Variants in UNC93A observed in about 807,000 individuals in gnomAD.
UNC93A encodes the protein N-acetylglucosamine transporter UNC93A.
UNC93A carries 43 observed loss-of-function variants against 47.5 expected under a neutral mutation model. That is an observed-to-expected ratio of 0.91 (90% CI 0.71 to 1.17). UNC93A has a LOEUF of 1.17. Ranked by LOEUF, UNC93A falls within the 50% of genes most tolerant of loss-of-function variation. UNC93A has a pLI of 0.00. For synonymous variants in UNC93A, 280 were observed against 258.0 expected (o/e 1.09, Z -0.82); for missense variants, 605 against 577.6 (o/e 1.05, Z -0.49).
rs180814631 is a variant in UNC93A at position 167,310,897 on chromosome 6, G to T, written c.1108+2987G>T. On this transcript the variant is annotated intron_variant, in intron 7 of 7. Coordinates refer to ENST00000230256, the MANE Select transcript of UNC93A (RefSeq NM_018974.4). ...CTCTGTCTCACAAAAAAAATGTTGG[G>T]GAAAATATTTTCATATACTTGAGAA... Among the ~76,000 whole-genome samples, 174 of 152,210 alleles carry T rather than the reference G, an allele frequency of 1.1e-3. 1 individual carries two copies. Among genetic ancestry groups the T allele is most frequent in the African/African-American group, 3.8e-3 (158 of 41,528 alleles).
chr6:167,276,763 C>CA (rs35925589), intron 1 of UNC93A, among the ~76,000 whole-genome samples: 19,335 of 151,702 alleles, frequency 0.13, 1,619 homozygotes, highest in South Asian at 0.28. Context: ...CAAGTCTAAG[C>CA]AAAAAAAATG....
exon 1 of UNC93A, chr6:167,271,336 TAAG>T (rs1230793032): frequency 6.6e-6 from 1 of 152,324 alleles, no homozygotes; most frequent in African/African-American, 2.4e-5. Flanking sequence ...GGGCCAGAGT[TAAG>T]AAAGAGCGAG....
intron 1 of UNC93A, among the ~76,000 whole-genome samples, chr6:167,279,536 TATATAG>T (rs992152728): frequency 2.0e-5 from 3 of 152,240 alleles, no homozygotes; most frequent in African/African-American, 4.8e-5. Context: ...TTTCAGATAG[TATATAG>T]ATATAAAGTA....
chr6:167,300,107 C>T (rs773672607), intron 4 of UNC93A, among the ~76,000 whole-genome samples: 4 of 152,044 alleles, frequency 2.6e-5, no homozygotes, highest in Admixed American at 6.5e-5. Flanking sequence ...GAGCTCAGGC[C>T]GGGAACACCT....
chr6:167,293,917 C>T (rs771198226), intron 1 of UNC93A, among the ~76,000 whole-genome samples: 10 of 152,204 alleles, frequency 6.6e-5, no homozygotes, highest in African/African-American at 9.7e-5. Flanking sequence ...ACCCTCGTGG[C>T]GGTGTGTGCC....
intron 7 of UNC93A, among the ~76,000 whole-genome samples, chr6:167,313,476 C>G (rs1778610534): frequency 6.6e-6 from 1 of 151,826 alleles, no homozygotes; most frequent in Admixed American, 6.6e-5. Flanking sequence ...GGCCTTGGAC[C>G]AACCAGAACT....
chr6:167,308,039 C>T, intron 7 of UNC93A, 129 bp downstream of exon 7: 1 of 1,301,208 alleles, frequency 7.7e-7, no homozygotes, highest in Non-Finnish European at 1.0e-6. Context: ...ACGGGAGGGC[C>T]AAGAGGGCTT....
chr6:167,288,917 C>T (rs1036283859), upstream of UNC93A, among the ~76,000 whole-genome samples: 1 of 152,276 alleles, frequency 6.6e-6, no homozygotes, highest in African/African-American at 2.4e-5. Context: ...GTCATTTTAA[C>T]GTCCAATGAG....
At chr6:167,293,804 TTTCTGGC>T (rs1777963148) in intron 1 of UNC93A, among the ~76,000 whole-genome samples, 3 of 152,308 alleles carry the variant, frequency 2.0e-5, no homozygotes, top group Non-Finnish European at 4.4e-5. Context: ...CCTTTCACCC[TTTCTGGC>T]TGCAGGCCTC....
At chr6:167,312,732 G>C (rs1778594515) in intron 7 of UNC93A, among the ~76,000 whole-genome samples, 1 of 152,230 alleles carries the variant, frequency 6.6e-6, no homozygotes, top group Non-Finnish European at 1.5e-5. Context: ...ACCATTTTCA[G>C]TCTACTTTCC....
At chr6:167,281,493 C>T (rs535635651) in intron 1 of UNC93A, among the ~76,000 whole-genome samples, 1 of 152,346 alleles carries the variant, frequency 6.6e-6, no homozygotes, top group African/African-American at 2.4e-5. Context: ...CTAACACTCA[C>T]TCCCTGGCCT....
intron 1 of UNC93A, among the ~76,000 whole-genome samples, chr6:167,273,960 C>T (rs1309669177): frequency 6.6e-6 from 1 of 152,104 alleles, no homozygotes; most frequent in Non-Finnish European, 1.5e-5. Context: ...TAAAATGTGC[C>T]AGAAACTTAG....
chr6:167,269,121 T>G (rs1478726714), upstream of UNC93A, among the ~76,000 whole-genome samples: 1 of 152,156 alleles, frequency 6.6e-6, no homozygotes, highest in Non-Finnish European at 1.5e-5. Flanking sequence ...GTAGCGAGGC[T>G]GAGAGGTGAG....
At chr6:167,269,851 G>A (rs1006002061), upstream of UNC93A, among the ~76,000 whole-genome samples, 11 of 152,002 alleles carry the variant, frequency 7.2e-5, no homozygotes, top group African/African-American at 1.5e-4. Context: ...TCCTGACCTC[G>A]TGATCCACCT....
intron 6 of UNC93A, among the ~76,000 whole-genome samples, chr6:167,307,417 G>A (rs1483877652): frequency 6.6e-6 from 1 of 152,224 alleles, no homozygotes; most frequent in African/African-American, 2.4e-5. Flanking sequence ...TCCAGAGGAT[G>A]GTTGAGACGG....
At position 167,303,853 on chromosome 6, in the gene UNC93A, A is replaced by T. The variant is rs1369253759; in HGVS notation, c.626-66A>T. 3 of 1,546,786 alleles carry T rather than the reference A, an allele frequency of 1.9e-6. No individual in the cohort carries two copies. The East Asian group carries it at 6.7e-5, about 35-fold the overall frequency. ...GAGAGGAGGATGAGTGACTGAAACA[A>T]ATCCTTGCCAGGCACCCTGCCTCTG... On this transcript the variant is annotated intron_variant, in intron 4 of 7. Coordinates refer to ENST00000230256, the MANE Select transcript of UNC93A (RefSeq NM_018974.4).
At chr6:167,285,969 T>C (rs1280170899) in intron 1 of UNC93A, among the ~76,000 whole-genome samples, 5 of 149,556 alleles carry the variant, frequency 3.3e-5, no homozygotes, top group African/African-American at 1.2e-4. Flanking sequence ...TCTATATATA[T>C]ATATATATAT....
intron 5 of UNC93A, among the ~76,000 whole-genome samples, 182 bp from the exon 6 acceptor site, chr6:167,305,733 G>T (rs1487148772): frequency 6.6e-6 from 1 of 152,174 alleles, no homozygotes; most frequent in African/African-American, 2.4e-5. Context: ...CCCCAAACAG[G>T]ATTTTCTTAC....
At chr6:167,295,118 A>AT (rs1210769961) in intron 2 of UNC93A, among the ~76,000 whole-genome samples, 1 of 152,132 alleles carries the variant, frequency 6.6e-6, no homozygotes, top group African/African-American at 2.4e-5. Context: ...GGGTATGGCC[A>AT]GGGCAGGTCA....
Sources: gnomAD v4.1 joint callset for allele counts (sites outside exome capture counted in the v4.1 genomes callset) on GRCh38, gnomAD v4.1.1 for gene constraint, MANE v1.5 for transcripts, NCBI Gene and HGNC (gene_info 2026-07-23, HGNC 2026-07-21) for gene names.